The following ZNF615 variants were observed in gnomAD, a reference collection of about 807,000 sequenced individuals.
The protein encoded by ZNF615 is zinc finger protein 615.
ZNF615 carries 15 observed loss-of-function variants against 15.3 expected under a neutral mutation model. That is an observed-to-expected ratio of 0.98 (90% CI 0.66 to 1.51). The LOEUF is 1.51. Ranked by LOEUF, ZNF615 falls within the 40% of genes most tolerant of loss-of-function variation. ZNF615 has a pLI of 0.00. For synonymous variants in ZNF615, 268 were observed against 294.6 expected (o/e 0.91, Z 0.92); for missense variants, 848 against 895.9 (o/e 0.95, Z 0.68).
rs769874458 is a variant in ZNF615, at chr19:51,992,874, A to T, written c.*6T>A. 1 of 1,612,314 alleles carries T rather than the reference A, an allele frequency of 6.2e-7. No homozygotes were observed. The highest frequency in any genetic ancestry group is 8.5e-7 in the Non-Finnish European group (1 of 1,178,614). ...CTACATCTGGCAAGAGGCTTTCCCA[A>T]AATGACTACCTGTGAATTCTCCTGT... On this transcript the variant is annotated 3_prime_UTR_variant, in exon 7 of 7. Transcript: ENST00000598071.
intron 6 of ZNF615, among the ~76,000 whole-genome samples, chr19:51,999,282 C>T (rs73052043): frequency 0.047 from 7,178 of 152,214 alleles, 228 homozygotes; most frequent in Non-Finnish European, 0.061. Flanking sequence ...TGGGAATACT[C>T]CCCAAAATTG....
intron 6 of ZNF615, among the ~76,000 whole-genome samples, 169 bp from the exon 7 acceptor site, chr19:51,995,006 G>A (rs55773001): frequency 0.11 from 16,465 of 152,076 alleles, 1,054 homozygotes; most frequent in South Asian, 0.24. Context: ...GGGTGCAGGC[G>A]GACTGAGTCC....
intron 5 of ZNF615, among the ~76,000 whole-genome samples, chr19:52,001,565 C>T (rs1046888132): frequency 1.3e-5 from 2 of 150,122 alleles, no homozygotes; most frequent in South Asian, 2.1e-4. Context: ...TTGCAGTGAG[C>T]CAAGATTGCG....
At chr19:51,996,705 C>G (rs192772352) in intron 6 of ZNF615, among the ~76,000 whole-genome samples, 20 of 152,260 alleles carry the variant, frequency 1.3e-4, no homozygotes, top group Admixed American at 4.6e-4. Flanking sequence ...AGAATGAAGG[C>G]ACAGGGCCAG....
chr19:51,996,913 G>A (rs576380248), intron 6 of ZNF615, among the ~76,000 whole-genome samples: 40 of 152,316 alleles, frequency 2.6e-4, no homozygotes, highest in Non-Finnish European at 4.7e-4. Flanking sequence ...AAGTAAGTAC[G>A]TGAGGTAGTA....
chr19:51,998,543 T>C (rs1174388818), intron 6 of ZNF615, among the ~76,000 whole-genome samples: 1 of 152,230 alleles, frequency 6.6e-6, no homozygotes, highest in African/African-American at 2.4e-5. Flanking sequence ...TATTACTGGT[T>C]ATATGGTTAC....
Position 52,001,877 on chromosome 19 carries a change from G to A in ZNF615, c.174C>T (p.Ser58=), listed in dbSNP as rs143231864. Residue 58 remains serine (S), a synonymous_variant, in exon 5 of 7, where the codon TCC becomes TCT. Transcript: ENST00000598071. The stretch of plus-strand genomic sequence containing the variant: ...AAGTTTCTTCTCCTCGTTCCAATTT[G>A]GAGAGTGCATCTGGTTTGCTGGCTT... The part of the protein sequence containing the change: ...GYQASKPDAL[S]KLERGEETCT... The A allele has an allele frequency of 6.2e-7, 1 of 1,614,056 alleles. No homozygotes were observed. The highest frequency in any genetic ancestry group is 8.5e-7 in the Non-Finnish European group (1 of 1,180,054).
intron 2 of ZNF615, chr19:52,004,432 G>A (rs1213743543): frequency 6.6e-6 from 1 of 151,778 alleles, no homozygotes; most frequent in East Asian, 1.9e-4. Flanking sequence ...TGCCCAGGCT[G>A]GAGTGAGTAA....
At position 52,003,773 on chromosome 19, in the gene ZNF615, C is replaced by A; in HGVS notation, c.-62G>T. On this transcript the variant is annotated 5_prime_UTR_variant, in exon 3 of 7. Transcript: ENST00000598071. ...CGTTCTGTATTTGTCTCTTCTGAAT[C>A]AGCTCTAAATTTCGGTTCAAAAACT... is the stretch of plus-strand genomic sequence containing the variant. The A allele has an allele frequency of 3.8e-6, 6 of 1,596,878 alleles. No homozygotes were observed. Among genetic ancestry groups the A allele is most frequent in the Non-Finnish European group, 5.1e-6 (6 of 1,173,642 alleles).
At position 52,008,143 on chromosome 19, in the gene ZNF615, C is replaced by A. The variant is rs1238057655; in HGVS notation, c.-230G>T. 9 of 1,535,580 alleles carry A rather than the reference C, an allele frequency of 5.9e-6. No homozygotes were observed. In the East Asian group the frequency reaches 2.2e-4, roughly 38 times the overall value. On this transcript the variant is annotated splice_region_variant and 5_prime_UTR_variant, in exon 1 of 7. It introduces an in-frame stop codon into an upstream open reading frame of the 5' UTR. Coordinates refer to ENST00000598071, the MANE Select transcript of ZNF615 (RefSeq NM_001199324.2). Reference sequence around the variant, plus strand: ...GACCACCCAGTGACTGAACTTACTTCCCAGAACTTGGTGGGCTCCGGCCTC... The same window carrying A: ...GACCACCCAGTGACTGAACTTACTTACCAGAACTTGGTGGGCTCCGGCCTC...
intron 1 of ZNF615, 147 bp downstream of exon 1, chr19:52,007,994 C>A: frequency 1.4e-6 from 1 of 714,248 alleles, no homozygotes; most frequent in Admixed American, 2.5e-5. Context: ...ATCGGACCCA[C>A]GCTAAGCTCC....
rs767328329 is a variant in ZNF615, at chr19:51,993,041, G to T, written c.2068C>A (p.Pro690Thr). 1 of 1,614,138 alleles carries T rather than the reference G, an allele frequency of 6.2e-7. No individual in the cohort carries two copies. Among genetic ancestry groups the T allele is most frequent in the Non-Finnish European group, 8.5e-7 (1 of 1,180,022 alleles). Residue 690 changes from proline to threonine, a missense_variant, in exon 7 of 7, where the codon CCG becomes ACG. Coordinates refer to ENST00000598071, the MANE Select transcript of ZNF615 (RefSeq NM_001199324.2). ...TTCCCGCAGTCACTGCATTTGTACG[G>T]TTTCTCTCCTGTGTGAATTCTCTGA... ...THQRIHTGEK[P>T]YKCSDCGKAF...
At chr19:51,996,403 A>C (rs1254747257) in intron 6 of ZNF615, among the ~76,000 whole-genome samples, 4 of 109,460 alleles carry the variant, frequency 3.7e-5, no homozygotes, top group Admixed American at 9.1e-5. Context: ...AAAAAAAAAA[A>C]AAAAACGCAA....
chr19:51,994,630 C>T lies in ZNF615; in HGVS notation c.479G>A (p.Ser160Asn). The part of the protein sequence containing the change: ...SNLSFENQKR[S>N]SGLKNSAEFN... ...CTCAGCAGAGTTCTTTAGGCCAGAG[C>T]TCCTTTTCTGGTTTTCAAAACTTAA... Residue 160 changes from serine to asparagine, a missense_variant, in exon 7 of 7, where the codon AGC becomes AAC. Coordinates refer to ENST00000598071, the MANE Select transcript of ZNF615 (RefSeq NM_001199324.2). 1 of 1,613,110 alleles carries T rather than the reference C, an allele frequency of 6.2e-7. No homozygotes were observed. Among genetic ancestry groups the T allele is most frequent in the South Asian group, 1.1e-5 (1 of 90,922 alleles).
intron 3 of ZNF615, among the ~76,000 whole-genome samples, chr19:52,002,777 T>C (rs557155994): frequency 1.2e-3 from 178 of 152,082 alleles, no homozygotes; most frequent in Non-Finnish European, 2.0e-3. Flanking sequence ...ATATAAAACA[T>C]GTATAAAGCA....
intron 4 of ZNF615, 62 bp from the exon 5 acceptor site, chr19:52,001,970 G>C: frequency 1.2e-6 from 2 of 1,603,008 alleles, no homozygotes; most frequent in Non-Finnish European, 1.7e-6. Flanking sequence ...TATTGAAAAA[G>C]GAGAGTTACA....
chr19:52,003,658 T>A, intron 3 of ZNF615, 39 bp downstream of exon 3: 1 of 1,567,176 alleles, frequency 6.4e-7, no homozygotes. Flanking sequence ...AAAAATACAT[T>A]GGAGAATAAA....
At chr19:52,002,318 C>A in intron 3 of ZNF615, 37 bp from the exon 4 acceptor site, 2 of 1,612,978 alleles carry the variant, frequency 1.2e-6, no homozygotes, top group Non-Finnish European at 1.7e-6. Context: ...AAGTCATATT[C>A]TTTTGGTGAT....
chr19:52,005,531 T>A (rs2086729464), intron 2 of ZNF615, among the ~76,000 whole-genome samples: 1 of 152,184 alleles, frequency 6.6e-6, no homozygotes, highest in Non-Finnish European at 1.5e-5. Flanking sequence ...AATAGACAAA[T>A]GATTGTGGCC....
Sources: allele counts gnomAD v4.1 joint callset (sites outside exome capture counted in the v4.1 genomes callset), GRCh38; gene constraint gnomAD v4.1.1; transcripts MANE v1.5; gene names NCBI Gene and HGNC (gene_info 2026-07-23, HGNC 2026-07-21).